The following MCC variants were observed in gnomAD, a reference collection of about 807,000 sequenced individuals.
MCC encodes the protein colorectal mutant cancer protein.
In MCC, 90 loss-of-function variants were observed where a neutral mutation model predicts 116.2. The observed-to-expected ratio is 0.77, with a 90% CI of 0.65 to 0.92. The LOEUF (loss-of-function observed/expected upper bound fraction) is 0.92. Ranked by LOEUF, MCC falls within the 40% of genes least tolerant of loss-of-function variation. The pLI, the probability that MCC is intolerant of heterozygous loss-of-function variation, is 0.00. For synonymous variants in MCC, 578 were observed against 510.5 expected, an observed-to-expected ratio of 1.13 and a Z score of -1.78; for missense variants, 1,516 against 1,312.2, an observed-to-expected ratio of 1.16 and a Z score of -2.40.
At chr5:113,037,135 C>G (rs1228644032) in intron 17 of MCC, among the ~76,000 whole-genome samples, 2 of 152,222 alleles carry the variant, frequency 1.3e-5, no homozygotes, top group African/African-American at 4.8e-5. Context: ...TTTTAAAAAG[C>G]ACCCCACCCA....
At chr5:113,115,367 C>T (rs943313266) in intron 6 of MCC, among the ~76,000 whole-genome samples, 2 of 152,192 alleles carry the variant, frequency 1.3e-5, no homozygotes, top group African/African-American at 4.8e-5. Flanking sequence ...TTTCTTTTCT[C>T]AAAGCAATCG....
At chr5:113,118,563 AG>A (rs1331060784) in intron 6 of MCC, among the ~76,000 whole-genome samples, 1 of 152,232 alleles carries the variant, frequency 6.6e-6, no homozygotes, top group Non-Finnish European at 1.5e-5. Flanking sequence ...TGAAGCTGAT[AG>A]GCTGGACTTA....
intron 1 of MCC, among the ~76,000 whole-genome samples, chr5:113,483,056 C>T (rs1772420624): frequency 6.6e-6 from 1 of 152,132 alleles, no homozygotes; most frequent in African/African-American, 2.4e-5. Context: ...AATCTTGGTG[C>T]TTTCGTTGAA....
At chr5:113,122,147 A>ATATT (rs1401536305) in intron 6 of MCC, among the ~76,000 whole-genome samples, 5 of 152,364 alleles carry the variant, frequency 3.3e-5, no homozygotes, top group Non-Finnish European at 4.4e-5. Flanking sequence ...ATCATACCAG[A>ATATT]TATTTACACA....
intron 1 of MCC, among the ~76,000 whole-genome samples, chr5:113,482,410 T>C (rs1772404020): frequency 6.6e-6 from 1 of 152,206 alleles, no homozygotes; most frequent in South Asian, 2.1e-4. Context: ...CTTTACATCC[T>C]TGTCAACACT....
intron 1 of MCC, among the ~76,000 whole-genome samples, chr5:113,390,845 C>T (rs1489129828): frequency 2.6e-5 from 4 of 152,086 alleles, no homozygotes; most frequent in Non-Finnish European, 4.4e-5. Context: ...AGTAGGTAGT[C>T]CAGAAATAGT....
chr5:113,093,233 G>A (rs1358918709), intron 8 of MCC, among the ~76,000 whole-genome samples: 1 of 152,202 alleles, frequency 6.6e-6, no homozygotes, highest in Non-Finnish European at 1.5e-5. Context: ...CAGTGAATGT[G>A]ACTAGTGAAT....
intron 3 of MCC, among the ~76,000 whole-genome samples, chr5:113,201,053 C>T (rs945899925): frequency 4.6e-5 from 7 of 152,116 alleles, no homozygotes; most frequent in African/African-American, 1.2e-4. Context: ...GAAAAAGCCT[C>T]GGATGTATCC....
At chr5:113,109,402 C>T (rs548916681) in intron 6 of MCC, among the ~76,000 whole-genome samples, 7 of 152,208 alleles carry the variant, frequency 4.6e-5, no homozygotes, top group African/African-American at 1.4e-4. Context: ...TAGAATAAAT[C>T]AGACACAACA....
intron 2 of MCC, among the ~76,000 whole-genome samples, chr5:113,373,936 C>A (rs1768907389): frequency 6.6e-6 from 1 of 151,338 alleles, no homozygotes; most frequent in African/African-American, 2.4e-5. Flanking sequence ...GGGTCTCACT[C>A]TGTCACCCAA....
intron 5 of MCC, among the ~76,000 whole-genome samples, chr5:113,129,601 A>G (rs1291156444): frequency 1.3e-5 from 2 of 152,180 alleles, no homozygotes; most frequent in African/African-American, 4.8e-5. Context: ...AAGAGAATAT[A>G]CATGCAAGCC....
rs566282351 is a variant in MCC, at chr5:113,181,923, A to C, written c.628-30501T>G. ...TTGCCACGCAGATATGTTGCTCTCC[A>C]AGGACCCCATTCCCTATCAGGTGCA... On this transcript the variant is annotated intron_variant, in intron 3 of 18. Transcript: ENST00000408903. Among the ~76,000 whole-genome samples, 5 of 152,248 alleles carry C rather than the reference A, an allele frequency of 3.3e-5. No homozygotes were observed. The South Asian group carries it at 1.0e-3, about 32-fold the overall frequency.
At chr5:113,088,799 C>T (rs983668657) in intron 8 of MCC, among the ~76,000 whole-genome samples, 3 of 152,108 alleles carry the variant, frequency 2.0e-5, no homozygotes, top group African/African-American at 4.8e-5. Context: ...AATCCAAATA[C>T]TCCTTCTTCA....
chr5:113,303,324 T>C (rs909328937), intron 3 of MCC, among the ~76,000 whole-genome samples: 1 of 152,192 alleles, frequency 6.6e-6, no homozygotes, highest in Non-Finnish European at 1.5e-5. Flanking sequence ...GGACTTATCC[T>C]TGAGATCCTT....
At chr5:113,078,227 C>A (rs1478312577) in intron 11 of MCC, among the ~76,000 whole-genome samples, 2 of 152,160 alleles carry the variant, frequency 1.3e-5, no homozygotes, top group African/African-American at 4.8e-5. Context: ...ACCAGAGGTA[C>A]AAGGAGAAGC....
chr5:113,289,658 T>C (rs964917453), intron 3 of MCC, among the ~76,000 whole-genome samples: 4 of 152,164 alleles, frequency 2.6e-5, no homozygotes, highest in Non-Finnish European at 5.9e-5. Flanking sequence ...TTGAAGAGAA[T>C]TGAGCTGATC....
At chr5:113,029,384 G>C (rs974838855) in intron 17 of MCC, among the ~76,000 whole-genome samples, 3 of 150,078 alleles carry the variant, frequency 2.0e-5, no homozygotes, top group African/African-American at 7.4e-5. Flanking sequence ...TCAGCAATGA[G>C]TGCGGCCTGA....
chr5:113,304,623 G>A (rs1416703777), intron 3 of MCC, among the ~76,000 whole-genome samples: 1 of 152,122 alleles, frequency 6.6e-6, no homozygotes, highest in Non-Finnish European at 1.5e-5. Flanking sequence ...CTAAAACTTA[G>A]TATCTGTGTC....
At chr5:113,297,236 C>T (rs1050824701) in intron 3 of MCC, among the ~76,000 whole-genome samples, 1 of 152,106 alleles carries the variant, frequency 6.6e-6, no homozygotes, top group Non-Finnish European at 1.5e-5. Flanking sequence ...GGCATGGTGG[C>T]TCATGCCTGT....
Sources: allele counts gnomAD v4.1 joint callset (sites outside exome capture counted in the v4.1 genomes callset), GRCh38; gene constraint gnomAD v4.1.1; transcripts MANE v1.5; gene names NCBI Gene and HGNC (gene_info 2026-07-23, HGNC 2026-07-21).